The following TNIK variants were observed in gnomAD, a reference collection of about 807,000 sequenced individuals.
TNIK encodes TRAF2 and NCK interacting kinase, also known as TRAF2 and NCK-interacting protein kinase.
TNIK carries 49 observed loss-of-function variants against 191.3 expected under a neutral mutation model. The ratio of observed to expected loss-of-function variants is 0.26; its 90% CI spans 0.20 to 0.32. The LOEUF is 0.32. Ranked by LOEUF, TNIK falls within the 10% of genes least tolerant of loss-of-function variation. TNIK has a pLI of 1.00. For missense variants in TNIK, 1,155 were observed against 1,702.3 expected (o/e 0.68, Z 5.66); for synonymous variants, 594 against 600.9 (o/e 0.99, Z 0.17).
chr3:171,108,420 C>G (rs377359001), intron 19 of TNIK, among the ~76,000 whole-genome samples: 1 of 152,160 alleles, frequency 6.6e-6, no homozygotes, highest in Non-Finnish European at 1.5e-5. Context: ...TAGAGCACTT[C>G]TTATGTGTCA....
intron 18 of TNIK, among the ~76,000 whole-genome samples, chr3:171,115,769 T>C (rs1396803244): frequency 6.6e-6 from 1 of 152,192 alleles, no homozygotes; most frequent in African/African-American, 2.4e-5. Flanking sequence ...CCTCCCACAG[T>C]ACACGTGAAC....
chr3:171,332,300 T>C (rs6781365), intron 2 of TNIK, among the ~76,000 whole-genome samples: 5,881 of 152,344 alleles, frequency 0.039, 370 homozygotes, highest in African/African-American at 0.13. Flanking sequence ...ACATTTAACT[T>C]GTTTACTGTT....
chr3:171,330,725 T>C (rs530682586), intron 2 of TNIK, among the ~76,000 whole-genome samples: 1 of 152,226 alleles, frequency 6.6e-6, no homozygotes, highest in Non-Finnish European at 1.5e-5. Context: ...TCCCACTATA[T>C]CCTCCAAACC....
chr3:171,321,869 T>C (rs1755200708), intron 2 of TNIK, among the ~76,000 whole-genome samples: 2 of 152,216 alleles, frequency 1.3e-5, no homozygotes, highest in African/African-American at 4.8e-5. Flanking sequence ...CAAACCCAGC[T>C]AATTAGCATA....
chr3:171,102,990 C>T (rs773924726), intron 21 of TNIK, among the ~76,000 whole-genome samples: 1 of 152,144 alleles, frequency 6.6e-6, no homozygotes, highest in African/African-American at 2.4e-5. Flanking sequence ...AGGTGTTTTA[C>T]GTGGTCTAGA....
chr3:171,448,318 A>G (rs1169806982), intron 1 of TNIK, among the ~76,000 whole-genome samples: 1 of 152,152 alleles, frequency 6.6e-6, no homozygotes, highest in East Asian at 1.9e-4. Context: ...TCTACCTTCT[A>G]TCTCTATGGA....
At chr3:171,415,014 G>A (rs1296977460) in intron 1 of TNIK, among the ~76,000 whole-genome samples, 1 of 152,158 alleles carries the variant, frequency 6.6e-6, no homozygotes, top group African/African-American at 2.4e-5. Flanking sequence ...CCTTGGTCCA[G>A]TTTTCCACCA....
chr3:171,396,635 G>A (rs891449078), intron 1 of TNIK, among the ~76,000 whole-genome samples: 3 of 152,160 alleles, frequency 2.0e-5, no homozygotes, highest in African/African-American at 4.8e-5. Context: ...CAATGCCAGT[G>A]AAAACTCTTC....
At chr3:171,439,501 A>C (rs112502392) in intron 1 of TNIK, 3 of 152,024 alleles carry the variant, frequency 2.0e-5, no homozygotes, top group Non-Finnish European at 4.4e-5. Flanking sequence ...ATAAGACTAG[A>C]CTTTTATTAA....
At chr3:171,119,598 T>C (rs1221705794) in intron 18 of TNIK, among the ~76,000 whole-genome samples, 1 of 152,150 alleles carries the variant, frequency 6.6e-6, no homozygotes, top group East Asian at 1.9e-4. Context: ...ATATACACCA[T>C]GGAATACTAT....
chr3:171,179,197 C>T (rs1467972032), intron 7 of TNIK, among the ~76,000 whole-genome samples: 1 of 152,224 alleles, frequency 6.6e-6, no homozygotes, highest in Non-Finnish European at 1.5e-5. Flanking sequence ...CTGCATACAA[C>T]ACAACTCACA....
chr3:171,257,232 G>T (rs1746994854), intron 2 of TNIK, among the ~76,000 whole-genome samples: 1 of 152,168 alleles, frequency 6.6e-6, no homozygotes, highest in African/African-American at 2.4e-5. Context: ...CGGTACTCTA[G>T]AACTGGGAAT....
chr3:171,444,527 T>C (rs573463941), intron 1 of TNIK, among the ~76,000 whole-genome samples: 5 of 151,834 alleles, frequency 3.3e-5, no homozygotes, highest in African/African-American at 1.2e-4. Flanking sequence ...AGGATGCATC[T>C]TGTTGATCAA....
intron 25 of TNIK, 94 bp downstream of exon 25, chr3:171,085,024 G>T: frequency 1.0e-6 from 1 of 979,724 alleles, no homozygotes; most frequent in African/African-American, 1.6e-5. Context: ...GCAGTAATCA[G>T]CTTAACTACT....
intron 2 of TNIK, among the ~76,000 whole-genome samples, chr3:171,257,600 A>G (rs1183646457): frequency 1.3e-5 from 2 of 152,222 alleles, no homozygotes; most frequent in Non-Finnish European, 2.9e-5. Flanking sequence ...TAACGTCAAT[A>G]AAAGCATGAA....
chr3:171,065,371 C>G (rs1292743331), intron 32 of TNIK, among the ~76,000 whole-genome samples: 1 of 152,178 alleles, frequency 6.6e-6, no homozygotes, highest in Non-Finnish European at 1.5e-5. Flanking sequence ...ACCAACCTGA[C>G]CTTTGGGGAA....
chr3:171,232,207 T>C (rs1246897320), intron 2 of TNIK, among the ~76,000 whole-genome samples: 1 of 152,034 alleles, frequency 6.6e-6, no homozygotes, highest in East Asian at 1.9e-4. Context: ...TGTTTCAAGC[T>C]GGTGCAGTGT....
At chr3:171,370,463 A>G (rs894322357) in intron 1 of TNIK, among the ~76,000 whole-genome samples, 1 of 152,254 alleles carries the variant, frequency 6.6e-6, no homozygotes, top group Non-Finnish European at 1.5e-5. Context: ...CAAAAAGTTG[A>G]AAAGAAAAAT....
At chr3:171,258,823 C>A (rs779727772) in intron 2 of TNIK, among the ~76,000 whole-genome samples, 2 of 152,144 alleles carry the variant, frequency 1.3e-5, no homozygotes, top group Non-Finnish European at 2.9e-5. Context: ...TCAGCTAAGA[C>A]AATTCAATGA....
Sources: gnomAD v4.1 joint callset for allele counts (sites outside exome capture counted in the v4.1 genomes callset) on GRCh38, gnomAD v4.1.1 for gene constraint, MANE v1.5 for transcripts, NCBI Gene and HGNC (gene_info 2026-07-23, HGNC 2026-07-21) for gene names.